Variants in AGO2 observed in about 807,000 individuals in gnomAD.
AGO2 encodes protein argonaute-2.
Under a neutral mutation model 102.3 loss-of-function variants are expected in AGO2, and 5 were observed. The observed-to-expected ratio is 0.05, with a 90% CI of 0.03 to 0.10. The LOEUF (loss-of-function observed/expected upper bound fraction) is 0.10, where lower values mean the gene tolerates loss of function less well. Ranked by LOEUF, AGO2 falls within the 10% of genes least tolerant of loss-of-function variation. The pLI is 1.00. For synonymous variants in AGO2, 449 were observed against 473.1 expected (o/e 0.95, Z 0.66); for missense variants, 541 against 1,183.7 (o/e 0.46, Z 7.97).
intron 1 of AGO2, among the ~76,000 whole-genome samples, chr8:140,630,536 T>A (rs2074328955): frequency 6.6e-6 from 1 of 152,222 alleles, no homozygotes; most frequent in Non-Finnish European, 1.5e-5. Context: ...GCAGCAGGCT[T>A]GGGGCTCTCA....
intron 1 of AGO2, among the ~76,000 whole-genome samples, chr8:140,594,732 TG>T (rs1179484077): frequency 6.6e-6 from 1 of 151,770 alleles, no homozygotes. Flanking sequence ...CACTTGAGCC[TG>T]GGGAGGTCAA....
chr8:140,567,918 G>C lies in AGO2; in HGVS notation c.336+4894C>G, dbSNP rs906137583. On this transcript the variant is annotated intron_variant, in intron 3 of 18. Coordinates refer to ENST00000220592, the MANE Select transcript of AGO2 (RefSeq NM_012154.5). This position sits in a 1 kb window ranked among gnomAD's most constrained non-coding sequence, Gnocchi z 5.0. The stretch of plus-strand genomic sequence containing the variant: ...GGCGGGCTGGATCGCTTGAGCTCAG[G>C]AGTTGCAGACCAGCCCGGGCAATGT... 2.6e-5 allele frequency among the ~76,000 whole-genome samples: 4 copies of C among 152,076 alleles called. No individual in the cohort carries two copies. Among genetic ancestry groups the C allele is most frequent in the African/African-American group, 9.7e-5 (4 of 41,404 alleles).
intron 5 of AGO2, 134 bp downstream of exon 5, chr8:140,560,240 G>T: frequency 7.5e-7 from 1 of 1,331,760 alleles, no homozygotes; most frequent in Non-Finnish European, 1.0e-6. Context: ...GACCAGCCAG[G>T]TGTCACGCAG....
At chr8:140,639,486 A>AAG (rs1458765022), upstream of AGO2, among the ~76,000 whole-genome samples, 1 of 150,814 alleles carries the variant, frequency 6.6e-6, no homozygotes, top group Non-Finnish European at 1.5e-5. Flanking sequence ...ATCTGAAAAA[A>AAG]AAAAAAAACT....
intron 10 of AGO2, 94 bp downstream of exon 10, chr8:140,555,802 A>G (rs1000717892): frequency 3.4e-6 from 5 of 1,474,328 alleles, no homozygotes; most frequent in Admixed American, 4.5e-5. Context: ...CATGGAACAC[A>G]GTCTACACCG....
At chr8:140,629,422 C>G (rs1199656190) in intron 1 of AGO2, among the ~76,000 whole-genome samples, 1 of 152,118 alleles carries the variant, frequency 6.6e-6, no homozygotes, top group Non-Finnish European at 1.5e-5. Context: ...GGAGAGGATG[C>G]TAGTCATCCA....
At chr8:140,596,339 T>C (rs2073842931) in intron 1 of AGO2, among the ~76,000 whole-genome samples, 1 of 152,320 alleles carries the variant, frequency 6.6e-6, no homozygotes, top group Admixed American at 6.5e-5. Context: ...ATCCCAGCAT[T>C]TTGGGAGGCC....
At chr8:140,625,671 T>TC (rs2074266848) in intron 1 of AGO2, among the ~76,000 whole-genome samples, 1 of 152,098 alleles carries the variant, frequency 6.6e-6, no homozygotes, top group African/African-American at 2.4e-5. Context: ...CAACCAGAGT[T>TC]CCCGCCGACT....
At chr8:140,601,173 G>A (rs191591440) in intron 1 of AGO2, among the ~76,000 whole-genome samples, 7 of 152,294 alleles carry the variant, frequency 4.6e-5, no homozygotes, top group African/African-American at 9.6e-5. Flanking sequence ...CACGGGTTCC[G>A]AGGCTGTCCG....
In AGO2 at chr8:140,531,939, C is replaced by T; in HGVS notation, c.*105G>A. On this transcript the variant is annotated 3_prime_UTR_variant, in exon 19 of 19. Transcript: ENST00000220592. The stretch of plus-strand genomic sequence containing the variant: ...GAATCTAATAAAATCAATGACGTCT[C>T]ATGTTCGATGCTGGCTGTCACGGAA... 1.0e-6 allele frequency: 1 copy of T among 954,758 alleles called. No individual in the cohort carries two copies. The highest frequency in any genetic ancestry group is 1.6e-6 in the Non-Finnish European group (1 of 608,594). The allele number at this position is 954,758 out of a possible 1,614,324, so 59.1% of individuals were successfully genotyped here. A position where few individuals can be genotyped will look rare whatever the true frequency, so the allele number is the denominator to read the frequency against.
intron 1 of AGO2, among the ~76,000 whole-genome samples, chr8:140,634,922 G>A (rs1264081389): frequency 6.6e-5 from 10 of 152,094 alleles, no homozygotes; most frequent in Non-Finnish European, 1.3e-4. Flanking sequence ...ACAACGGAGC[G>A]CGCCACAGAC....
chr8:140,564,457 G>A (rs1282971224), intron 3 of AGO2, among the ~76,000 whole-genome samples: 7 of 152,168 alleles, frequency 4.6e-5, no homozygotes, highest in Non-Finnish European at 7.3e-5. Flanking sequence ...CTACGCAAGC[G>A]GAGTTATATA....
intron 2 of AGO2, among the ~76,000 whole-genome samples, chr8:140,580,905 C>T (rs1483843393): frequency 6.6e-6 from 1 of 152,272 alleles, no homozygotes; most frequent in East Asian, 1.9e-4. Context: ...TGCTGCTTAC[C>T]AACTGCGTGA....
Position 140,595,447 on chromosome 8 carries a change from G to A in AGO2, c.23-10136C>T, listed in dbSNP as rs944021330. 5.0e-4 allele frequency among the ~76,000 whole-genome samples: 75 copies of A among 151,136 alleles called. 1 individual carries two copies. Among genetic ancestry groups the A allele is most frequent in the African/African-American group, 1.4e-3 (59 of 41,222 alleles). ...CTCTTCTCTATGCTTCTATTTATTC[G>A]TTTTATATCTTATTTTATTTATTAT... On this transcript the variant is annotated intron_variant, in intron 1 of 18. Coordinates refer to ENST00000220592, the MANE Select transcript of AGO2 (RefSeq NM_012154.5).
chr8:140,549,796 T>G (rs2072964767), intron 11 of AGO2, among the ~76,000 whole-genome samples: 1 of 152,138 alleles, frequency 6.6e-6, no homozygotes, highest in South Asian at 2.1e-4. Flanking sequence ...TATGACATCA[T>G]CACGAGAGAA....
intron 2 of AGO2, among the ~76,000 whole-genome samples, chr8:140,583,383 G>A (rs1178804357): frequency 6.6e-6 from 1 of 152,180 alleles, no homozygotes; most frequent in African/African-American, 2.4e-5. Context: ...TATATGTACA[G>A]TCATGCGTGG....
chr8:140,619,207 C>T (rs13259761), intron 1 of AGO2, among the ~76,000 whole-genome samples: 63,196 of 152,042 alleles, frequency 0.42, 14,389 homozygotes, highest in Non-Finnish European at 0.52. Flanking sequence ...CCACTGTCGC[C>T]AAGTCGCTAG....
rs1323437302 is a variant in AGO2 at position 140,557,472 on chromosome 8, T to A, written c.879-236A>T. Among the ~76,000 whole-genome samples the A allele has an allele frequency of 6.6e-6, 1 of 152,178 alleles. No homozygotes were observed. On this transcript the variant is annotated intron_variant, in intron 7 of 18. Transcript: ENST00000220592. This position sits in a 1 kb window ranked among gnomAD's most constrained non-coding sequence, Gnocchi z 5.9. ...AAATACCTACATGCATCATTACTCA[T>A]AAATTATCCACAACGTCACAGTGTG...
rs981623957 is a variant in AGO2 at position 140,527,980 on chromosome 8, A to G, written c.*4064T>C. 1 of 152,272 alleles carries G rather than the reference A, an allele frequency of 6.6e-6. No individual in the cohort carries two copies. Among genetic ancestry groups the G allele is most frequent in the Non-Finnish European group, 1.5e-5 (1 of 68,068 alleles). 9.4% of individuals were successfully genotyped at this position (152,272 alleles called of 1,614,324 possible). A position where few individuals can be genotyped will look rare whatever the true frequency, so the allele number is the denominator to read the frequency against. ...CAAGCCACGGGCCACCCCAGCCCCA[A>G]AGGCCTCCTGGGGACACTCCGGTGT... On this transcript the variant is annotated 3_prime_UTR_variant, in exon 19 of 19. Transcript: ENST00000220592. The surrounding 1 kb of genome is among the most constrained non-coding windows in gnomAD (Gnocchi z 6.0).
Sources: gnomAD v4.1 joint callset for allele counts (sites outside exome capture counted in the v4.1 genomes callset) on GRCh38, gnomAD v4.1.1 for gene constraint, Gnocchi (gnomAD v3.1) non-coding constraint, MANE v1.5 for transcripts, NCBI Gene and HGNC (gene_info 2026-07-23, HGNC 2026-07-21) for gene names.